RIN3: variants seen among roughly 807,000 people sequenced by gnomAD.
The protein encoded by RIN3 is RAB5 interacting protein 3.
RIN3 carries 54 observed loss-of-function variants against 76.3 expected under a neutral mutation model. The ratio of observed to expected loss-of-function variants is 0.71; its 90% CI spans 0.57 to 0.89. The LOEUF (loss-of-function observed/expected upper bound fraction) is 0.89, where lower values mean the gene tolerates loss of function less well. Ranked by LOEUF, RIN3 falls within the 40% of genes least tolerant of loss-of-function variation. The pLI is 0.00. For missense variants in RIN3, 1,256 were observed against 1,322.1 expected (o/e 0.95, Z 0.78); for synonymous variants, 576 against 564.0 (o/e 1.02, Z -0.30).
intron 3 of RIN3, among the ~76,000 whole-genome samples, chr14:92,580,134 C>T (rs569269417): frequency 4.1e-4 from 63 of 152,330 alleles, no homozygotes; most frequent in African/African-American, 1.5e-3. Flanking sequence ...CCCAGCACTT[C>T]GGGAGGCCGA....
intron 4 of RIN3, among the ~76,000 whole-genome samples, chr14:92,628,106 A>G (rs1886424334): frequency 6.6e-6 from 1 of 152,244 alleles, no homozygotes; most frequent in South Asian, 2.1e-4. Flanking sequence ...GAACAGGTAC[A>G]GTATATCTTG....
rs151042225 is a variant in RIN3, at chr14:92,519,072, C to T, written c.44+5096C>T. Among the ~76,000 whole-genome samples, 18 of 152,182 alleles carry T rather than the reference C, an allele frequency of 1.2e-4. No individual in the cohort carries two copies. In the East Asian group the frequency reaches 3.1e-3, roughly 26 times the overall value. On this transcript the variant is annotated intron_variant, in intron 1 of 9. Coordinates refer to ENST00000216487, the MANE Select transcript of RIN3 (RefSeq NM_024832.5). ...CAAGGTCCCTGCTCGCTCTGACAGT[C>T]GGCTCCCTGAGTTACCAGCTAGCAG...
At chr14:92,558,870 G>GT (rs1193317602) in intron 2 of RIN3, among the ~76,000 whole-genome samples, 1 of 145,128 alleles carries the variant, frequency 6.9e-6, no homozygotes, top group East Asian at 2.0e-4. Context: ...TCTTCCTTTT[G>GT]TTTTTTCTTT....
Position 92,687,906 on chromosome 14 carries a change from G to T in RIN3, c.2632-20G>T. 1 of 1,525,530 alleles carries T rather than the reference G, an allele frequency of 6.6e-7. No individual in the cohort carries two copies. Among genetic ancestry groups the T allele is most frequent in the Non-Finnish European group, 8.8e-7 (1 of 1,137,976 alleles). 94.5% of individuals were successfully genotyped at this position (1,525,530 alleles called of 1,614,324 possible). A position where few individuals can be genotyped will look rare whatever the true frequency, so the allele number is the denominator to read the frequency against. On this transcript the variant is annotated intron_variant, in intron 9 of 9. Coordinates refer to ENST00000216487, the MANE Select transcript of RIN3 (RefSeq NM_024832.5). ...GAGACAGGGCCCCGCCGTGACCACA[G>T]GCCCCTCGCGTCTCCGCAGGACTTC...
At chr14:92,535,424 C>G (rs1366513229) in intron 1 of RIN3, among the ~76,000 whole-genome samples, 1 of 151,138 alleles carries the variant, frequency 6.6e-6, no homozygotes, top group African/African-American at 2.4e-5. Flanking sequence ...GCCTCCACCT[C>G]CCGGGCGAGC....
At chr14:92,665,647 C>T (rs1204482476) in intron 7 of RIN3, among the ~76,000 whole-genome samples, 1 of 152,054 alleles carries the variant, frequency 6.6e-6, no homozygotes, top group Non-Finnish European at 1.5e-5. Flanking sequence ...TCTCAAAGTG[C>T]TGGGATTACA....
chr14:92,626,035 G>T (rs974069599), intron 4 of RIN3, among the ~76,000 whole-genome samples: 3 of 151,976 alleles, frequency 2.0e-5, no homozygotes, highest in Admixed American at 6.6e-5. Context: ...TTCCTTATTT[G>T]TTCCCTTAGT....
At chr14:92,604,201 A>G (rs995204442) in intron 3 of RIN3, among the ~76,000 whole-genome samples, 2 of 152,184 alleles carry the variant, frequency 1.3e-5, no homozygotes, top group South Asian at 2.1e-4. Context: ...TCACTTCCCC[A>G]TCCCCAGCCC....
At chr14:92,516,471 C>A (rs1896446516) in intron 1 of RIN3, among the ~76,000 whole-genome samples, 2 of 152,186 alleles carry the variant, frequency 1.3e-5, no homozygotes, top group African/African-American at 4.8e-5. Context: ...TGTCCCTTGA[C>A]CTTGGCTTCC....
intron 7 of RIN3, among the ~76,000 whole-genome samples, chr14:92,661,552 C>T (rs1345757497): frequency 6.6e-6 from 1 of 152,106 alleles, no homozygotes; most frequent in African/African-American, 2.4e-5. Context: ...GGTGAAACCC[C>T]ATCTCTACTA....
intron 2 of RIN3, among the ~76,000 whole-genome samples, chr14:92,572,811 G>C (rs941150047): frequency 2.0e-5 from 3 of 151,398 alleles, no homozygotes; most frequent in Non-Finnish European, 4.4e-5. Flanking sequence ...GCAGAACTTT[G>C]CCTCTGCCAT....
At chr14:92,557,508 A>G (rs1002418733) in intron 2 of RIN3, among the ~76,000 whole-genome samples, 7 of 152,242 alleles carry the variant, frequency 4.6e-5, no homozygotes, top group Non-Finnish European at 8.8e-5. Flanking sequence ...CAGGGCTCAG[A>G]TGGCGAATGG....
At chr14:92,543,144 C>T (rs779480364) in intron 1 of RIN3, among the ~76,000 whole-genome samples, 4 of 152,132 alleles carry the variant, frequency 2.6e-5, no homozygotes, top group African/African-American at 9.7e-5. Context: ...CCGCAGTTGA[C>T]AAACCTTCCC....
chr14:92,681,189 A>C lies in RIN3; in HGVS notation c.2468-3798A>C, dbSNP rs1888648894. On this transcript the variant is annotated intron_variant, in intron 8 of 9. Transcript: ENST00000216487. The surrounding 1 kb of genome is among the most constrained non-coding windows in gnomAD (Gnocchi z 4.7). ...CAGGGGCAGTGGGTTTTTCCAATCA[A>C]CGCATTCGCCCCAGAGAGAAAAGCC... Among the ~76,000 whole-genome samples the C allele has an allele frequency of 6.6e-6, 1 of 152,024 alleles. No individual in the cohort carries two copies. Among genetic ancestry groups the C allele is most frequent in the Admixed American group, 6.6e-5 (1 of 15,260 alleles).
At chr14:92,540,206 C>T (rs1056385717) in intron 1 of RIN3, among the ~76,000 whole-genome samples, 7 of 152,198 alleles carry the variant, frequency 4.6e-5, no homozygotes, top group Non-Finnish European at 8.8e-5. Context: ...CTGCTGTCAG[C>T]GCTTCCGAGG....
At chr14:92,578,641 G>A (rs894004129) in intron 3 of RIN3, among the ~76,000 whole-genome samples, 3 of 152,176 alleles carry the variant, frequency 2.0e-5, no homozygotes, top group Non-Finnish European at 4.4e-5. Flanking sequence ...GGGTAGGAGG[G>A]GTATGGAGGG....
chr14:92,548,544 C>T (rs1897338903), intron 1 of RIN3, among the ~76,000 whole-genome samples: 1 of 152,202 alleles, frequency 6.6e-6, no homozygotes, highest in Non-Finnish European at 1.5e-5. Flanking sequence ...CAGGTTCCAT[C>T]TGGAGGCTCT....
At chr14:92,524,603 C>T (rs894240869) in intron 1 of RIN3, among the ~76,000 whole-genome samples, 1 of 152,198 alleles carries the variant, frequency 6.6e-6, no homozygotes, top group Non-Finnish European at 1.5e-5. Flanking sequence ...GGAGCTGGGC[C>T]AGAGCCCGTT....
At chr14:92,651,431 A>G (rs988114202) in intron 5 of RIN3, 151 bp from the exon 6 acceptor site, 1 of 558,796 alleles carries the variant, frequency 1.8e-6, no homozygotes, top group Non-Finnish European at 2.9e-6. Context: ...GAAAGCGTCC[A>G]AGAGGGGAAA....
Sources: gnomAD v4.1 joint callset for allele counts (sites outside exome capture counted in the v4.1 genomes callset) on GRCh38, gnomAD v4.1.1 for gene constraint, Gnocchi (gnomAD v3.1) non-coding constraint, MANE v1.5 for transcripts, NCBI Gene and HGNC (gene_info 2026-07-23, HGNC 2026-07-21) for gene names.